The following PPP1R36 variants were observed in gnomAD, a reference collection of about 807,000 sequenced individuals.
The protein encoded by PPP1R36 is chromosome 14 open reading frame 50.
In PPP1R36, 47 loss-of-function variants were observed where a neutral mutation model predicts 53.4. The ratio of observed to expected loss-of-function variants is 0.88; its 90% CI spans 0.70 to 1.12. The LOEUF (loss-of-function observed/expected upper bound fraction) is 1.12. Ranked by LOEUF, PPP1R36 falls within the 50% of genes most tolerant of loss-of-function variation. The probability of loss-of-function intolerance (pLI) is 0.00; values close to 1 mark genes in which losing one functional copy is unlikely to be tolerated. For missense variants in PPP1R36, 456 were observed against 513.9 expected (o/e 0.89, Z 1.09); for synonymous variants, 153 against 170.5 (o/e 0.90, Z 0.80).
chr14:64,580,408 C>T (rs1331458175), intron 8 of PPP1R36, among the ~76,000 whole-genome samples: 1 of 152,166 alleles, frequency 6.6e-6, no homozygotes, highest in African/African-American at 2.4e-5. Flanking sequence ...AACAATTATA[C>T]CATAATTAGA....
chr14:64,583,553 G>A (rs867627606), intron 8 of PPP1R36, among the ~76,000 whole-genome samples: 41 of 152,182 alleles, frequency 2.7e-4, no homozygotes, highest in African/African-American at 8.9e-4. Context: ...TGTGGCTCAC[G>A]CCTGTAACCC....
At chr14:64,573,913 CAAAAAAAAAAA>C (rs35427371) in intron 7 of PPP1R36, among the ~76,000 whole-genome samples, 3 of 32,522 alleles carry the variant, frequency 9.2e-5, no homozygotes, top group East Asian at 1.2e-3. Flanking sequence ...GACTCTGTCT[CAAAAAAAAAAA>C]AAAAAAAAAA....
intron 10 of PPP1R36, 76 bp downstream of exon 10, chr14:64,587,448 C>CTTT (rs10708900): frequency 2.2e-4 from 24 of 111,004 alleles, no homozygotes; most frequent in East Asian, 4.3e-4. Flanking sequence ...CTTTTTTCTC[C>CTTT]TTTTTTTTTT....
In PPP1R36 at chr14:64,552,816, T is replaced by C. The variant is rs2080106512; in HGVS notation, c.137T>C (p.Phe46Ser). Residue 46 changes from phenylalanine to serine, a missense_variant and splice_region_variant, in exon 3 of 12, where the codon TTT becomes TCT. Transcript: ENST00000298705. ...GTAATTTCAGTTTTCTTTCTCAGGT[T>C]TGCCGCAGAAGATTCTGTCCAGTGG... ...DETRTLEFRR[F>S]AAEDSVQWLL... is the part of the protein sequence containing the mutation. The C allele has an allele frequency of 6.2e-7, 1 of 1,613,814 alleles. No individual in the cohort carries two copies. Among genetic ancestry groups the C allele is most frequent in the East Asian group, 2.2e-5 (1 of 44,874 alleles).
At chr14:64,563,231 G>A (rs1210550586) in intron 3 of PPP1R36, among the ~76,000 whole-genome samples, 3 of 152,110 alleles carry the variant, frequency 2.0e-5, no homozygotes, top group Non-Finnish European at 2.9e-5. Context: ...GAGTGCAGTG[G>A]TGTGATCTCA....
chr14:64,588,553 T>G, intron 11 of PPP1R36: 1 of 322,320 alleles, frequency 3.1e-6, no homozygotes, highest in Non-Finnish European at 5.4e-6. Context: ...AGTGAGTAAC[T>G]GATTTTTTTT....
At chr14:64,579,744 G>A (rs1056800300) in intron 8 of PPP1R36, among the ~76,000 whole-genome samples, 2 of 152,106 alleles carry the variant, frequency 1.3e-5, no homozygotes, top group African/African-American at 4.8e-5. Flanking sequence ...GCCGAGGTGA[G>A]CAGATCACGA....
At chr14:64,587,055 GTA>G in intron 9 of PPP1R36, 137 bp from the exon 10 acceptor site, 1 of 816,860 alleles carries the variant, frequency 1.2e-6, no homozygotes, top group South Asian at 1.8e-5. Flanking sequence ...GTGAGTATGT[GTA>G]TAATTTTTCA....
intron 3 of PPP1R36, among the ~76,000 whole-genome samples, chr14:64,555,021 A>C (rs1335180503): frequency 1.3e-5 from 2 of 152,216 alleles, no homozygotes; most frequent in Non-Finnish European, 2.9e-5. Flanking sequence ...CTACTTAAAA[A>C]AATTATGAAA....
chr14:64,565,941 G>C (rs78981347), intron 6 of PPP1R36, among the ~76,000 whole-genome samples: 1 of 152,084 alleles, frequency 6.6e-6, no homozygotes, highest in South Asian at 2.1e-4. Context: ...AGTCTCACAT[G>C]GACTGTGCTA....
rs565914774 is a variant in PPP1R36 at position 64,549,976 on chromosome 14, G to A, written c.-22G>A. The stretch of plus-strand genomic sequence containing the variant: ...TGCGGGCGGTATCCTCGGCGACGCC[G>A]TATGGCTTCCAGGGCGAGGCCATGT... On this transcript the variant is annotated 5_prime_UTR_variant, in exon 1 of 12. Coordinates refer to ENST00000298705, the MANE Select transcript of PPP1R36 (RefSeq NM_172365.3). 7.3e-5 allele frequency: 113 copies of A among 1,554,948 alleles called. No individual in the cohort carries two copies. The highest frequency in any genetic ancestry group is 9.3e-5 in the Non-Finnish European group (107 of 1,148,734).
At chr14:64,568,720 T>A (rs1196443060) in intron 7 of PPP1R36, among the ~76,000 whole-genome samples, 2 of 152,242 alleles carry the variant, frequency 1.3e-5, no homozygotes, top group African/African-American at 4.8e-5. Context: ...TAAACATATC[T>A]TAAAAATGTA....
In PPP1R36 at chr14:64,552,346, G is replaced by A. The variant is rs1438669645; in HGVS notation, c.135-468G>A. Among the ~76,000 whole-genome samples, 4 of 152,204 alleles carry A rather than the reference G, an allele frequency of 2.6e-5. No individual in the cohort carries two copies. The South Asian group carries it at 6.2e-4, about 24-fold the overall frequency. ...TCTAATAAAAATACAAAAATTAGCCGGGCGTGATGGCGGGCACCTGTAATC... is the reference window on the plus strand; with the variant it reads ...TCTAATAAAAATACAAAAATTAGCCAGGCGTGATGGCGGGCACCTGTAATC... On this transcript the variant is annotated intron_variant, in intron 2 of 11. Coordinates refer to ENST00000298705, the MANE Select transcript of PPP1R36 (RefSeq NM_172365.3).
chr14:64,555,371 C>T (rs891557760), intron 3 of PPP1R36, among the ~76,000 whole-genome samples: 7 of 152,200 alleles, frequency 4.6e-5, no homozygotes, highest in African/African-American at 7.2e-5. Context: ...AAGATTTTTC[C>T]GAAATAGACG....
intron 3 of PPP1R36, among the ~76,000 whole-genome samples, chr14:64,558,431 T>G (rs1053162364): frequency 2.0e-5 from 3 of 151,656 alleles, no homozygotes; most frequent in Non-Finnish European, 4.4e-5. Context: ...TGGACAAAAT[T>G]AGCTGAGCAT....
At chr14:64,552,975 A>ATTTT in intron 3 of PPP1R36, 114 bp downstream of exon 3, 1 of 703,624 alleles carries the variant, frequency 1.4e-6, no homozygotes, top group Non-Finnish European at 2.2e-6. Flanking sequence ...TTAAGTGCCA[A>ATTTT]TTTTTTTTTT....
At chr14:64,584,113 G>A (rs2080412794) in intron 8 of PPP1R36, among the ~76,000 whole-genome samples, 1 of 152,018 alleles carries the variant, frequency 6.6e-6, no homozygotes, top group Non-Finnish European at 1.5e-5. Flanking sequence ...TGTTGGCCAG[G>A]CTGGTCTTGA....
chr14:64,557,084 A>C (rs1223722243), intron 3 of PPP1R36, among the ~76,000 whole-genome samples: 1 of 152,028 alleles, frequency 6.6e-6, no homozygotes, highest in Admixed American at 6.6e-5. Context: ...TGCCTGCCTC[A>C]GCCTCCCAAA....
intron 7 of PPP1R36, among the ~76,000 whole-genome samples, chr14:64,572,584 C>T (rs1366380211): frequency 6.6e-6 from 1 of 151,936 alleles, no homozygotes; most frequent in Non-Finnish European, 1.5e-5. Context: ...GGTCTAGGGA[C>T]CACTTGCCTT....
Sources: allele counts gnomAD v4.1 joint callset (sites outside exome capture counted in the v4.1 genomes callset), GRCh38; gene constraint gnomAD v4.1.1; transcripts MANE v1.5; gene names NCBI Gene and HGNC (gene_info 2026-07-23, HGNC 2026-07-21).